The following LRPPRC variants were observed in gnomAD, a reference collection of about 807,000 sequenced individuals.
The protein encoded by LRPPRC is leucine-rich PPR motif-containing protein, mitochondrial.
In LRPPRC, 120 loss-of-function variants were observed where a neutral mutation model predicts 180.3. The observed-to-expected ratio is 0.67, with a 90% CI of 0.57 to 0.77. The LOEUF (loss-of-function observed/expected upper bound fraction) is 0.77. Among genes scored for constraint, LRPPRC ranks in the 30% least tolerant of loss-of-function variants. The pLI is 0.00. For missense variants in LRPPRC, 2,012 were observed against 1,657.2 expected (o/e 1.21, Z -3.72); for synonymous variants, 723 against 600.0 (o/e 1.21, Z -3.00).
intron 13 of LRPPRC, among the ~76,000 whole-genome samples, chr2:43,958,741 C>CT (rs1196451730): frequency 6.6e-6 from 1 of 152,188 alleles, no homozygotes; most frequent in Non-Finnish European, 1.5e-5. Flanking sequence ...TTACTGTTCT[C>CT]TACTACCTGA....
chr2:43,993,750 A>C (rs1178870754), intron 1 of LRPPRC, among the ~76,000 whole-genome samples: 2 of 152,044 alleles, frequency 1.3e-5, no homozygotes, highest in Non-Finnish European at 2.9e-5. Context: ...AAAAAAAAAA[A>C]ACCAGAGAAA....
Position 43,945,303 on chromosome 2 carries a change from A to G in LRPPRC, c.2296+29T>C, listed in dbSNP as rs756673450. 3.5e-6 allele frequency: 5 copies of G among 1,429,950 alleles called. No homozygotes were observed. In the South Asian group the frequency reaches 5.7e-5, roughly 16 times the overall value. The allele number at this position is 1,429,950 out of a possible 1,614,324, so 88.6% of individuals were successfully genotyped here. ...ATTCCAGTGGCAAGATACTTGCATCACATATTTCCTTTATGTGCTGAGGCT... is the reference window on the plus strand; with the variant it reads ...ATTCCAGTGGCAAGATACTTGCATCGCATATTTCCTTTATGTGCTGAGGCT... On this transcript the variant is annotated intron_variant, in intron 22 of 37. Coordinates refer to ENST00000260665, the MANE Select transcript of LRPPRC (RefSeq NM_133259.4).
chr2:43,960,655 A>C, intron 12 of LRPPRC, 21 bp from the exon 13 acceptor site: 3 of 1,119,430 alleles, frequency 2.7e-6, no homozygotes, highest in Middle Eastern at 2.0e-4. Context: ...AGCATATATC[A>C]ATGAGAATAC....
Position 43,943,672 on chromosome 2 carries a change from A to G in LRPPRC, c.2504+15T>C. ...TTAATGCCAACATTTAAAATTCAAA[A>G]TTCAATTAACTTACTTTTCCAAGTG... On this transcript the variant is annotated intron_variant, in intron 23 of 37. Transcript: ENST00000260665. The G allele has an allele frequency of 1.2e-6, 2 of 1,602,768 alleles. No individual in the cohort carries two copies. The highest frequency in any genetic ancestry group is 1.7e-6 in the Non-Finnish European group (2 of 1,169,738).
At chr2:43,928,844 G>T (rs1423040197) in intron 25 of LRPPRC, among the ~76,000 whole-genome samples, 1 of 152,082 alleles carries the variant, frequency 6.6e-6, no homozygotes, top group Non-Finnish European at 1.5e-5. Context: ...ACAGGGGTTA[G>T]AGTTTGACCA....
chr2:43,960,279 A>G (rs1040122062), intron 13 of LRPPRC, among the ~76,000 whole-genome samples: 33 of 152,308 alleles, frequency 2.2e-4, no homozygotes, highest in African/African-American at 7.9e-4. Flanking sequence ...CGGTGGCCAA[A>G]TTATAAAGAA....
intron 31 of LRPPRC, chr2:43,902,524 T>C (rs919491707): frequency 6.6e-5 from 10 of 152,192 alleles, no homozygotes; most frequent in Non-Finnish European, 1.3e-4. Flanking sequence ...GTACTCAAAA[T>C]ACAGTGGAAA....
intron 1 of LRPPRC, among the ~76,000 whole-genome samples, chr2:43,985,072 A>C (rs1243071053): frequency 1.3e-5 from 2 of 151,318 alleles, no homozygotes; most frequent in African/African-American, 4.8e-5. Flanking sequence ...AAAAAAAAAG[A>C]TATAAGGGAT....
chr2:43,975,035 T>C, intron 7 of LRPPRC, 56 bp downstream of exon 7: 2 of 1,576,790 alleles, frequency 1.3e-6, no homozygotes, highest in Non-Finnish European at 1.7e-6. Flanking sequence ...ATGTAAAACA[T>C]AACACAAATT....
At chr2:43,975,309 T>A (rs955493283) in intron 6 of LRPPRC, 92 bp from the exon 7 acceptor site, 4 of 1,043,530 alleles carry the variant, frequency 3.8e-6, no homozygotes, top group Middle Eastern at 2.0e-4. Context: ...AAATAAAAAA[T>A]GCTAAGTACC....
At chr2:43,990,442 A>G (rs1391538788) in intron 1 of LRPPRC, among the ~76,000 whole-genome samples, 1 of 152,174 alleles carries the variant, frequency 6.6e-6, no homozygotes, top group African/African-American at 2.4e-5. Context: ...TAATCTACAT[A>G]AACTTTGTCA....
At chr2:43,956,853 G>A (rs1382039820) in intron 14 of LRPPRC, among the ~76,000 whole-genome samples, 1 of 152,132 alleles carries the variant, frequency 6.6e-6, no homozygotes, top group Non-Finnish European at 1.5e-5. Context: ...TCACACCACT[G>A]CATTGCAGCC....
At chr2:43,980,991 T>G (rs1488871753) in intron 2 of LRPPRC, among the ~76,000 whole-genome samples, 1 of 152,230 alleles carries the variant, frequency 6.6e-6, no homozygotes, top group Non-Finnish European at 1.5e-5. Flanking sequence ...ACTTCTTTGG[T>G]ATCTCTCACC....
chr2:43,927,783 G>T (rs952273094), intron 25 of LRPPRC, among the ~76,000 whole-genome samples: 2 of 152,122 alleles, frequency 1.3e-5, no homozygotes, highest in African/African-American at 4.8e-5. Flanking sequence ...GATTTATATG[G>T]CAGATCTTCC....
intron 30 of LRPPRC, among the ~76,000 whole-genome samples, chr2:43,911,405 T>C (rs182071453): frequency 1.3e-3 from 203 of 152,196 alleles, no homozygotes; most frequent in African/African-American, 4.7e-3. Flanking sequence ...CCAGGTTTTC[T>C]TGTGATGTGA....
chr2:43,888,752 A>T (rs1670366439), intron 37 of LRPPRC, 96 bp from the exon 38 acceptor site: 2 of 727,076 alleles, frequency 2.8e-6, no homozygotes, highest in Non-Finnish European at 2.5e-6. Context: ...CTGGTAGCTA[A>T]GACTGCCAGG....
intron 11 of LRPPRC, among the ~76,000 whole-genome samples, chr2:43,965,743 G>T (rs968877296): frequency 2.0e-5 from 3 of 152,090 alleles, no homozygotes; most frequent in African/African-American, 7.2e-5. Context: ...CATAAAAATG[G>T]CCAACAGGTT....
intron 2 of LRPPRC, among the ~76,000 whole-genome samples, chr2:43,981,308 C>T (rs1019566389): frequency 2.0e-5 from 3 of 152,122 alleles, no homozygotes; most frequent in African/African-American, 7.2e-5. Context: ...AAACTTACTA[C>T]TAAAAGTGAC....
At position 43,995,956 on chromosome 2, in the gene LRPPRC, C is replaced by A. The variant is rs953108245; in HGVS notation, c.-9G>T. The A allele has an allele frequency of 2.6e-6, 4 of 1,524,976 alleles. No individual in the cohort carries two copies. In the South Asian group the frequency reaches 3.6e-5, roughly 14 times the overall value. The allele number at this position is 1,524,976 out of a possible 1,614,324, so 94.5% of individuals were successfully genotyped here. ...CTCAGCAGGGCTGCCATTGCTCGAA[C>A]GTCCCCGCAGCGGGAAGCACGCTCC... On this transcript the variant is annotated 5_prime_UTR_variant, in exon 1 of 38. Coordinates refer to ENST00000260665, the MANE Select transcript of LRPPRC (RefSeq NM_133259.4).
Sources: allele counts gnomAD v4.1 joint callset (sites outside exome capture counted in the v4.1 genomes callset), GRCh38; gene constraint gnomAD v4.1.1; transcripts MANE v1.5; gene names NCBI Gene and HGNC (gene_info 2026-07-23, HGNC 2026-07-21).